HS3ST4: variants seen among roughly 807,000 people sequenced by gnomAD.
HS3ST4 encodes heparan sulfate glucosamine 3-O-sulfotransferase 4.
Under a neutral mutation model 29.2 loss-of-function variants are expected in HS3ST4, and 17 were observed. That is an observed-to-expected ratio of 0.58 (90% CI 0.40 to 0.87). The LOEUF (loss-of-function observed/expected upper bound fraction) is 0.87, where lower values mean the gene tolerates loss of function less well. Among genes scored for constraint, HS3ST4 ranks in the 40% least tolerant of loss-of-function variants. The pLI is 0.00. For synonymous variants in HS3ST4, 314 were observed against 285.7 expected, an observed-to-expected ratio of 1.10 and a Z score of -1.00; for missense variants, 627 against 634.5, an observed-to-expected ratio of 0.99 and a Z score of 0.13.
At chr16:25,776,038 C>T (rs1022738958) in intron 1 of HS3ST4, among the ~76,000 whole-genome samples, 1 of 152,178 alleles carries the variant, frequency 6.6e-6, no homozygotes, top group Non-Finnish European at 1.5e-5. Context: ...AGAAGTTAGC[C>T]TCCTCCTCTC....
intron 1 of HS3ST4, among the ~76,000 whole-genome samples, chr16:25,869,300 T>C (rs571846681): frequency 1.3e-5 from 2 of 151,946 alleles, no homozygotes; most frequent in Non-Finnish European, 2.9e-5. Flanking sequence ...AATATCACTT[T>C]CTCCGCAAGC....
At chr16:25,945,008 G>GAAAAC (rs535551448) in intron 1 of HS3ST4, among the ~76,000 whole-genome samples, 16 of 152,108 alleles carry the variant, frequency 1.1e-4, no homozygotes, top group East Asian at 3.9e-4. Context: ...ATCCTCTGTG[G>GAAAAC]AAAACAAAAC....
chr16:26,096,500 A>G (rs28811945), intron 1 of HS3ST4, among the ~76,000 whole-genome samples: 4,926 of 152,274 alleles, frequency 0.032, 256 homozygotes, highest in African/African-American at 0.11. Flanking sequence ...AAACCACATG[A>G]TTATCTCAAT....
At chr16:25,927,425 T>C (rs1294819558) in intron 1 of HS3ST4, among the ~76,000 whole-genome samples, 5 of 152,186 alleles carry the variant, frequency 3.3e-5, no homozygotes, top group Admixed American at 3.3e-4. Context: ...TTGGGAGGAA[T>C]GCCAAAGGGA....
rs549954683 is a variant in HS3ST4, at chr16:25,975,252, G to A, written c.735-160360G>A. On this transcript the variant is annotated intron_variant, in intron 1 of 1. Coordinates refer to ENST00000331351, the MANE Select transcript of HS3ST4 (RefSeq NM_006040.3). ...AGGAGCTAAACATTGGGTATACATG[G>A]ACACAAAGAAGGGAACAATGGACAC... Among the ~76,000 whole-genome samples the A allele has an allele frequency of 6.3e-5, 9 of 143,410 alleles. No homozygotes were observed. The East Asian group carries it at 1.9e-3, about 30-fold the overall frequency. The allele number at this position is 143,410 out of a possible 152,430, so 94.1% of individuals were successfully genotyped here. A position where few individuals can be genotyped will look rare whatever the true frequency, so the allele number is the denominator to read the frequency against.
intron 1 of HS3ST4, among the ~76,000 whole-genome samples, chr16:26,024,586 G>C (rs753271705): frequency 2.4e-4 from 37 of 151,736 alleles, no homozygotes; most frequent in Non-Finnish European, 4.4e-4. Context: ...ACAAAAACTA[G>C]CAGGGCATGG....
chr16:25,932,138 A>T (rs1968470265), intron 1 of HS3ST4, among the ~76,000 whole-genome samples: 1 of 152,164 alleles, frequency 6.6e-6, no homozygotes, highest in Admixed American at 6.5e-5. Context: ...ATATAGTGAG[A>T]CCCTGTCTGT....
chr16:25,946,197 A>G (rs1968624755), intron 1 of HS3ST4, among the ~76,000 whole-genome samples: 1 of 152,236 alleles, frequency 6.6e-6, no homozygotes, highest in Non-Finnish European at 1.5e-5. Context: ...ATCCTCTTCC[A>G]ATTGCAGGAG....
At chr16:25,934,010 T>C (rs576538890) in intron 1 of HS3ST4, among the ~76,000 whole-genome samples, 2 of 152,350 alleles carry the variant, frequency 1.3e-5, no homozygotes, top group South Asian at 4.1e-4. Flanking sequence ...TGCCCATGAA[T>C]ATCTTCACCT....
chr16:26,037,900 C>A (rs1426655979), intron 1 of HS3ST4, among the ~76,000 whole-genome samples: 1 of 152,152 alleles, frequency 6.6e-6, no homozygotes, highest in Non-Finnish European at 1.5e-5. Flanking sequence ...TCCAGTCTTG[C>A]CTCTAGGGTC....
At chr16:26,103,598 C>T (rs1899015122) in intron 1 of HS3ST4, among the ~76,000 whole-genome samples, 1 of 152,266 alleles carries the variant, frequency 6.6e-6, no homozygotes, top group African/African-American at 2.4e-5. Context: ...TGTTTTATTC[C>T]TTCAAAGGAA....
intron 1 of HS3ST4, among the ~76,000 whole-genome samples, chr16:26,101,125 A>G (rs1018618511): frequency 2.6e-5 from 4 of 152,194 alleles, no homozygotes; most frequent in Non-Finnish European, 5.9e-5. Flanking sequence ...ACTTTTCTGC[A>G]GAACCTCTGG....
intron 1 of HS3ST4, among the ~76,000 whole-genome samples, chr16:26,065,931 G>A (rs1394324892): frequency 6.6e-6 from 1 of 152,200 alleles, no homozygotes; most frequent in Non-Finnish European, 1.5e-5. Flanking sequence ...TGATAGAAAA[G>A]AGCAAAACAG....
chr16:25,958,548 C>G (rs1210628711), intron 1 of HS3ST4, among the ~76,000 whole-genome samples: 1 of 152,172 alleles, frequency 6.6e-6, no homozygotes, highest in Non-Finnish European at 1.5e-5. Flanking sequence ...CCAGGTTGGT[C>G]TCGAACTCCT....
chr16:25,939,425 C>T (rs1968551978), intron 1 of HS3ST4, among the ~76,000 whole-genome samples: 1 of 151,750 alleles, frequency 6.6e-6, no homozygotes, highest in South Asian at 2.1e-4. Flanking sequence ...ACAACCTCCG[C>T]CTCCCAGGTT....
At chr16:26,024,381 T>A (rs937323274) in intron 1 of HS3ST4, among the ~76,000 whole-genome samples, 2 of 152,198 alleles carry the variant, frequency 1.3e-5, no homozygotes, top group Non-Finnish European at 2.9e-5. Flanking sequence ...CCTTTAGAAC[T>A]GTGGCATAAG....
At chr16:25,718,564 G>A (rs772254522) in intron 1 of HS3ST4, among the ~76,000 whole-genome samples, 1 of 152,070 alleles carries the variant, frequency 6.6e-6, no homozygotes, top group African/African-American at 2.4e-5. Context: ...CTAAATCCAG[G>A]CATGCTCAAG....
chr16:26,117,994 T>A (rs2141807825), intron 1 of HS3ST4, among the ~76,000 whole-genome samples: 1 of 152,172 alleles, frequency 6.6e-6, no homozygotes, highest in East Asian at 1.9e-4. Context: ...CTAAAGAAGA[T>A]AAAACAAAAC....
chr16:26,062,843 A>G, intron 1 of HS3ST4: 1 of 294,110 alleles, frequency 3.4e-6, no homozygotes. Context: ...TTCTGGGAGA[A>G]GAACTTTATC....
Sources: allele counts gnomAD v4.1 joint callset (sites outside exome capture counted in the v4.1 genomes callset), GRCh38; gene constraint gnomAD v4.1.1; transcripts MANE v1.5; gene names NCBI Gene and HGNC (gene_info 2026-07-23, HGNC 2026-07-21).